RCL1: variants seen among roughly 807,000 people sequenced by gnomAD.
The protein encoded by RCL1 is RNA terminal phosphate cyclase like 1.
RCL1 carries 24 observed loss-of-function variants against 42.4 expected under a neutral mutation model. The ratio of observed to expected loss-of-function variants is 0.57; its 90% CI spans 0.41 to 0.80. The LOEUF (loss-of-function observed/expected upper bound fraction) is 0.80. Ranked by LOEUF, RCL1 falls within the 30% of genes least tolerant of loss-of-function variation. The probability of loss-of-function intolerance (pLI) is 0.00; values close to 1 mark genes in which losing one functional copy is unlikely to be tolerated. For missense variants in RCL1, 578 were observed against 467.9 expected (o/e 1.24, Z -2.17); for synonymous variants, 228 against 177.3 (o/e 1.29, Z -2.27).
chr9:4,796,398 G>C (rs1057492200), intron 1 of RCL1, among the ~76,000 whole-genome samples: 1 of 152,084 alleles, frequency 6.6e-6, no homozygotes, highest in East Asian at 1.9e-4. Context: ...TTGTTGCAAA[G>C]GACATTATTT....
intron 1 of RCL1, among the ~76,000 whole-genome samples, chr9:4,806,046 T>TGTGTGTTTGTGTGTG (rs1587696264): frequency 1.4e-5 from 1 of 71,268 alleles, no homozygotes; most frequent in African/African-American, 4.4e-5. Flanking sequence ...GTGTGTGTGT[T>TGTGTGTTTGTGTGTG]TGTGTGTGTG....
intron 1 of RCL1, among the ~76,000 whole-genome samples, chr9:4,808,615 G>C (rs895464755): frequency 1.6e-4 from 24 of 152,072 alleles, no homozygotes; most frequent in African/African-American, 5.3e-4. Flanking sequence ...TAGTTTTTTA[G>C]GGTGAAAGAA....
At chr9:4,826,594 A>G (rs1326159739) in intron 2 of RCL1, among the ~76,000 whole-genome samples, 1 of 152,244 alleles carries the variant, frequency 6.6e-6, no homozygotes, top group Non-Finnish European at 1.5e-5. Flanking sequence ...GTGCCCTGCC[A>G]TGACTCTGGC....
intron 1 of RCL1, among the ~76,000 whole-genome samples, chr9:4,795,032 C>A (rs1006375536): frequency 6.6e-6 from 1 of 152,156 alleles, no homozygotes; most frequent in East Asian, 1.9e-4. Context: ...TACATCCTTG[C>A]GCTGGCTTCA....
chr9:4,838,705 T>G (rs548645983), intron 5 of RCL1, among the ~76,000 whole-genome samples: 1 of 152,274 alleles, frequency 6.6e-6, no homozygotes, highest in Non-Finnish European at 1.5e-5. Context: ...CTTAATATGG[T>G]TTTCATAAAT....
chr9:4,849,668 C>A, intron 8 of RCL1, 118 bp downstream of exon 8: 1 of 699,738 alleles, frequency 1.4e-6, no homozygotes, highest in Non-Finnish European at 2.5e-6. Flanking sequence ...TTGTGTTTAT[C>A]CTCAAATCAG....
intron 1 of RCL1, among the ~76,000 whole-genome samples, chr9:4,812,058 G>A (rs1816197839): frequency 6.6e-6 from 1 of 152,144 alleles, no homozygotes; most frequent in African/African-American, 2.4e-5. Flanking sequence ...GTATTTTTGT[G>A]TGTGTACTGG....
intron 8 of RCL1, among the ~76,000 whole-genome samples, chr9:4,857,754 C>A (rs1462755797): frequency 6.6e-6 from 1 of 152,154 alleles, no homozygotes; most frequent in African/African-American, 2.4e-5. Context: ...TCTAGTGGTT[C>A]TGCCTCCTCA....
intron 4 of RCL1, 127 bp downstream of exon 4, chr9:4,833,355 C>A (rs946690559): frequency 8.4e-6 from 6 of 715,010 alleles, no homozygotes; most frequent in East Asian, 7.9e-5. Flanking sequence ...AGAAGACTCA[C>A]AGGGCTCATG....
In RCL1 at chr9:4,860,400, G is replaced by A. The variant is rs1165439474; in HGVS notation, c.*125G>A. ...AGCCACTTGCTTAATTTTCTGTGAA[G>A]AAATATCAATATACAAATAAAAGAC... On this transcript the variant is annotated 3_prime_UTR_variant, in exon 9 of 9. Coordinates refer to ENST00000381750, the MANE Select transcript of RCL1 (RefSeq NM_005772.5). 9.8e-7 allele frequency: 1 copy of A among 1,016,798 alleles called. No homozygotes were observed. The highest frequency in any genetic ancestry group is 1.7e-5 in the African/African-American group (1 of 59,466). 63.0% of individuals were successfully genotyped at this position (1,016,798 alleles called of 1,614,324 possible).
chr9:4,795,399 TACAGAGGGA>T (rs1842898260), intron 1 of RCL1, among the ~76,000 whole-genome samples: 1 of 152,154 alleles, frequency 6.6e-6, no homozygotes, highest in Non-Finnish European at 1.5e-5. Flanking sequence ...CTTAATTTCT[TACAGAGGGA>T]ACAGAGAGAT....
chr9:4,799,755 T>C (rs1842968382), intron 1 of RCL1, among the ~76,000 whole-genome samples: 1 of 152,204 alleles, frequency 6.6e-6, no homozygotes, highest in Admixed American at 6.5e-5. Flanking sequence ...ATGAGTCCTG[T>C]ATTTTTATTT....
At chr9:4,835,404 C>T (rs1366734925) in intron 5 of RCL1, among the ~76,000 whole-genome samples, 2 of 152,190 alleles carry the variant, frequency 1.3e-5, no homozygotes, top group African/African-American at 2.4e-5. Context: ...GACTCAGCAG[C>T]AGGCTGTCAC....
At chr9:4,798,197 T>C (rs929329944) in intron 1 of RCL1, among the ~76,000 whole-genome samples, 2 of 152,206 alleles carry the variant, frequency 1.3e-5, no homozygotes, top group Non-Finnish European at 2.9e-5. Context: ...ATCAGTATTA[T>C]AAAGCAGCTG....
rs186475673 is a variant in RCL1 at position 4,802,813 on chromosome 9, T to C, written c.136+9586T>C. On this transcript the variant is annotated intron_variant, in intron 1 of 8. Transcript: ENST00000381750. The stretch of plus-strand genomic sequence containing the variant: ...GTGCATAACAAACTACAAAAAATGG[T>C]AAGTTTTGTTTTGTTTTGTTTTTTT... Among the ~76,000 whole-genome samples the C allele has an allele frequency of 4.1e-4, 62 of 152,180 alleles. No homozygotes were observed. In the South Asian group the frequency reaches 7.7e-3, roughly 19 times the overall value.
At position 4,860,446 on chromosome 9, in the gene RCL1, C is replaced by T; in HGVS notation, c.*171C>T. The T allele has an allele frequency of 4.1e-6, 3 of 724,006 alleles. No homozygotes were observed. In the South Asian group the frequency reaches 7.1e-5, roughly 17 times the overall value. The allele number at this position is 724,006 out of a possible 1,614,324, so 44.8% of individuals were successfully genotyped here. On this transcript the variant is annotated 3_prime_UTR_variant, in exon 9 of 9. Coordinates refer to ENST00000381750, the MANE Select transcript of RCL1 (RefSeq NM_005772.5). ...AAGACATCCCTGTAGCATATGGTTT[C>T]CAGCTGTTTCTCCAGTGGCATTGCC...
intron 8 of RCL1, among the ~76,000 whole-genome samples, chr9:4,856,039 C>A (rs1487255803): frequency 6.6e-6 from 1 of 152,100 alleles, no homozygotes; most frequent in Non-Finnish European, 1.5e-5. Context: ...GCAGAGCATG[C>A]CCCAGGCCTG....
At chr9:4,801,268 C>T (rs936797816) in intron 1 of RCL1, among the ~76,000 whole-genome samples, 1 of 152,086 alleles carries the variant, frequency 6.6e-6, no homozygotes, top group African/African-American at 2.4e-5. Context: ...GCTTCCTGGG[C>T]GTAAGCAAAT....
In RCL1 at chr9:4,822,331, G is replaced by A. The variant is rs192076401; in HGVS notation, c.137-1217G>A. On this transcript the variant is annotated intron_variant, in intron 1 of 8. Coordinates refer to ENST00000381750, the MANE Select transcript of RCL1 (RefSeq NM_005772.5). ...GGCAGTCACAGTGCCTTCAGTGGCA[G>A]AAGAGTTAGTCTTTCTGTCCTTGTT... Among the ~76,000 whole-genome samples the A allele has an allele frequency of 2.1e-4, 32 of 152,330 alleles. No individual in the cohort carries two copies. In the East Asian group the frequency reaches 5.0e-3, roughly 24 times the overall value.
Sources: allele counts gnomAD v4.1 joint callset (sites outside exome capture counted in the v4.1 genomes callset), GRCh38; gene constraint gnomAD v4.1.1; transcripts MANE v1.5; gene names NCBI Gene and HGNC (gene_info 2026-07-23, HGNC 2026-07-21).